The following SLC7A2 variants were observed in gnomAD, a reference collection of about 807,000 sequenced individuals.
The protein encoded by SLC7A2 is solute carrier family 7 member 2.
SLC7A2 carries 48 observed loss-of-function variants against 58.9 expected under a neutral mutation model. The observed-to-expected ratio is 0.82, with a 90% confidence interval of 0.65 to 1.04. The LOEUF is 1.04. Among genes scored for constraint, SLC7A2 ranks in the 50% least tolerant of loss-of-function variants. SLC7A2 has a pLI of 0.00. For synonymous variants in SLC7A2, 363 were observed against 314.5 expected, an observed-to-expected ratio of 1.15 and a Z score of -1.63; for missense variants, 1,029 against 818.8, an observed-to-expected ratio of 1.26 and a Z score of -3.13.
At chr8:17,519,253 T>A (rs2588214) in intron 2 of SLC7A2, among the ~76,000 whole-genome samples, 121,596 of 152,132 alleles carry the variant, frequency 0.8, 48,904 homozygotes, top group South Asian at 0.87. Context: ...CAGTTAGGTT[T>A]ATATATGTAA....
chr8:17,497,706 G>T (rs1585168515), intron 1 of SLC7A2, among the ~76,000 whole-genome samples: 1 of 152,190 alleles, frequency 6.6e-6, no homozygotes, highest in Non-Finnish European at 1.5e-5. Flanking sequence ...GCTCCTTTTC[G>T]GTTCTTGGCT....
intron 7 of SLC7A2, 26 bp downstream of exon 7, chr8:17,552,012 G>A (rs549722904): frequency 8.2e-6 from 13 of 1,590,732 alleles, no homozygotes; most frequent in South Asian, 4.4e-5. Flanking sequence ...TTTGGGGCAC[G>A]GGCTGTTTGG....
In SLC7A2 at chr8:17,502,819, A is replaced by AC. The variant is rs532203014; in HGVS notation, c.-23+518dup. On this transcript the variant is annotated intron_variant, in intron 2 of 12. Coordinates refer to ENST00000494857, the MANE Select transcript of SLC7A2 (RefSeq NM_001370338.1). Reference sequence around the variant, plus strand: ...CCAAATTCTTTAATCATAATTCTTCACGGCACACTGCTATAATACCATGAT... The same window carrying AC: ...CCAAATTCTTTAATCATAATTCTTCACCGGCACACTGCTATAATACCATGAT... Among the ~76,000 whole-genome samples the AC allele has an allele frequency of 1.9e-4, 29 of 152,294 alleles. No individual in the cohort carries two copies. In the South Asian group the frequency reaches 4.8e-3, roughly 25 times the overall value.
At chr8:17,510,161 A>G (rs984387715) in intron 2 of SLC7A2, among the ~76,000 whole-genome samples, 1 of 152,106 alleles carries the variant, frequency 6.6e-6, no homozygotes, top group Non-Finnish European at 1.5e-5. Flanking sequence ...CAGAGGTTGC[A>G]GTGAGCCAAG....
rs192511141 is a variant in SLC7A2 at position 17,563,516 on chromosome 8, G to A, written c.1672-87G>A. On this transcript the variant is annotated intron_variant, in intron 11 of 12. Transcript: ENST00000494857. ...ATTGACGTGGTGTGAAAGTATATATGCCAAATTAATTGCCACCCTGTTGAA... is the reference window on the plus strand; with the variant it reads ...ATTGACGTGGTGTGAAAGTATATATACCAAATTAATTGCCACCCTGTTGAA... 416 of 788,160 alleles carry A rather than the reference G, an allele frequency of 5.3e-4. 1 individual carries two copies. The African/African-American group carries it at 5.4e-3, about 10-fold the overall frequency. The allele number at this position is 788,160 out of a possible 1,614,324, so 48.8% of individuals were successfully genotyped here.
intron 1 of SLC7A2, among the ~76,000 whole-genome samples, chr8:17,501,818 T>A (rs559548735): frequency 6.6e-6 from 1 of 151,700 alleles, no homozygotes; most frequent in Admixed American, 6.6e-5. Context: ...GAGCCTAATC[T>A]GGGATTCAGT....
At chr8:17,515,160 G>T (rs1256016745) in intron 2 of SLC7A2, among the ~76,000 whole-genome samples, 1 of 152,118 alleles carries the variant, frequency 6.6e-6, no homozygotes, top group African/African-American at 2.4e-5. Flanking sequence ...ATATTTATTT[G>T]ATCTAAATAG....
rs1802071118 is a variant in SLC7A2 at position 17,544,497 on chromosome 8, T to G, written c.423T>G (p.Leu141=). ...CCTGGAGTGGCACCTTTGATGAACT[T>G]CTTAGCAAACAGATTGGTCAGTTTT... ...ARAWSGTFDE[L]LSKQIGQFLR... Residue 141 remains leucine, a synonymous_variant, in exon 4 of 13, where the codon CTT becomes CTG. Coordinates refer to ENST00000494857, the MANE Select transcript of SLC7A2 (RefSeq NM_001370338.1). 6.2e-6 allele frequency: 10 copies of G among 1,614,118 alleles called. No homozygotes were observed. The highest frequency in any genetic ancestry group is 8.5e-6 in the Non-Finnish European group (10 of 1,179,980).
rs532875604 is a variant in SLC7A2 at position 17,544,411 on chromosome 8, G to T, written c.377-40G>T. On this transcript the variant is annotated intron_variant, in intron 3 of 12. Coordinates refer to ENST00000494857, the MANE Select transcript of SLC7A2 (RefSeq NM_001370338.1). ...GTAGCAAATGATGCTACTTTAATTT[G>T]CCCCCAGTGACTTCGTATTCTCTGT... The T allele has an allele frequency of 1.9e-6, 3 of 1,585,002 alleles. No individual in the cohort carries two copies. The African/African-American group carries it at 4.1e-5, about 21-fold the overall frequency.
At chr8:17,504,405 A>C (rs968008388) in intron 2 of SLC7A2, among the ~76,000 whole-genome samples, 4 of 152,192 alleles carry the variant, frequency 2.6e-5, no homozygotes, top group Non-Finnish European at 5.9e-5. Context: ...TCATACTTTA[A>C]AGTCTTGTAT....
rs185551816 is a variant in SLC7A2 at position 17,544,384 on chromosome 8, G to T, written c.377-67G>T. On this transcript the variant is annotated intron_variant, in intron 3 of 12. Transcript: ENST00000494857. ...GTGAACTCATGTTTATCCTATAATA[G>T]AGTAGCAAATGATGCTACTTTAATT... The T allele has an allele frequency of 6.5e-5, 87 of 1,339,466 alleles. No individual in the cohort carries two copies. In the Admixed American group the frequency reaches 1.3e-3, roughly 20 times the overall value. The allele number at this position is 1,339,466 out of a possible 1,614,324, so 83.0% of individuals were successfully genotyped here.
chr8:17,527,609 C>T (rs1223266528), intron 2 of SLC7A2, among the ~76,000 whole-genome samples: 2 of 152,136 alleles, frequency 1.3e-5, no homozygotes, highest in Non-Finnish European at 2.9e-5. Context: ...AGGGTCATTC[C>T]TTGCCTCTTC....
intron 4 of SLC7A2, among the ~76,000 whole-genome samples, chr8:17,548,268 G>C (rs1802272838): frequency 6.6e-6 from 1 of 151,966 alleles, no homozygotes; most frequent in Non-Finnish European, 1.5e-5. Flanking sequence ...TTGAGCACAG[G>C]TGGCAGAGGT....
intron 12 of SLC7A2, 50 bp downstream of exon 12, chr8:17,563,761 A>G (rs757859121): frequency 3.6e-6 from 4 of 1,107,642 alleles, no homozygotes; most frequent in Non-Finnish European, 5.5e-6. Flanking sequence ...TGCTGTGATG[A>G]GAGAAACATG....
intron 2 of SLC7A2, among the ~76,000 whole-genome samples, chr8:17,522,159 T>A (rs1306605238): frequency 6.6e-6 from 1 of 151,980 alleles, no homozygotes; most frequent in Non-Finnish European, 1.5e-5. Flanking sequence ...TGGGGTGCCC[T>A]CACAATCATG....
intron 2 of SLC7A2, among the ~76,000 whole-genome samples, chr8:17,505,243 A>C (rs2150650670): frequency 6.6e-6 from 1 of 152,268 alleles, no homozygotes; most frequent in East Asian, 1.9e-4. Flanking sequence ...GGTTTCAGAA[A>C]CCCAAGATAA....
chr8:17,544,960 A>T (rs1291341091), intron 4 of SLC7A2, among the ~76,000 whole-genome samples: 1 of 152,210 alleles, frequency 6.6e-6, no homozygotes, highest in East Asian at 1.9e-4. Flanking sequence ...ATCTTGCTAG[A>T]TACAACTAGG....
intron 2 of SLC7A2, among the ~76,000 whole-genome samples, chr8:17,506,654 G>A (rs548679843): frequency 8.5e-5 from 13 of 152,332 alleles, no homozygotes; most frequent in Middle Eastern, 3.4e-3. Flanking sequence ...AGGTTAGACA[G>A]CTAGGGATAC....
chr8:17,563,644 G>C lies in SLC7A2; in HGVS notation c.1713G>C (p.Val571=), dbSNP rs114454370. 1.9e-3 allele frequency: 3,051 copies of C among 1,613,672 alleles called. 54 individuals are homozygous for C. In the African/African-American group the frequency reaches 0.037, roughly 20 times the overall value. The change falls in exon 12 of 13, where the codon GTG becomes GTC. Residue 571 remains valine, a synonymous_variant. Transcript: ENST00000494857. ...TTTTGCCAGCGTTCAGCATCTTGGT[G>C]AACATTTACTTGATGGTCCAGTTAA... ...LPFLPAFSIL[V]NIYLMVQLSA...
Sources: allele counts gnomAD v4.1 joint callset (sites outside exome capture counted in the v4.1 genomes callset), GRCh38; gene constraint gnomAD v4.1.1; transcripts MANE v1.5; gene names NCBI Gene and HGNC (gene_info 2026-07-23, HGNC 2026-07-21).